Variants in PCDHA3 observed in about 807,000 individuals in gnomAD.
PCDHA3 encodes the protein protocadherin alpha 3.
PCDHA3 carries 41 observed loss-of-function variants against 62.2 expected under a neutral mutation model. The observed-to-expected ratio is 0.66, with a 90% confidence interval of 0.51 to 0.86. The LOEUF is 0.86. Ranked by LOEUF, PCDHA3 falls within the 40% of genes least tolerant of loss-of-function variation. The pLI is 0.00. For synonymous variants in PCDHA3, 640 were observed against 555.4 expected (o/e 1.15, Z -2.14); for missense variants, 1,304 against 1,241.2 (o/e 1.05, Z -0.76).
chr5:140,930,231 A>G (rs1234850185), intron 1 of PCDHA3: 3 of 152,238 alleles, frequency 2.0e-5, no homozygotes, highest in Non-Finnish European at 4.4e-5. Context: ...TGCACTTACC[A>G]TCCAAAGTCC....
intron 1 of PCDHA3, chr5:140,875,950 G>A: frequency 6.2e-7 from 1 of 1,614,166 alleles, no homozygotes; most frequent in South Asian, 1.1e-5. Flanking sequence ...CGCTTCTGAT[G>A]CGGATATCGG....
chr5:140,836,593 C>T, intron 1 of PCDHA3: 1 of 1,613,672 alleles, frequency 6.2e-7, no homozygotes, highest in Non-Finnish European at 8.5e-7. Context: ...TTGGTAAAGC[C>T]CACTCTGGTG....
At chr5:140,851,219 C>A (rs2041993259) in intron 1 of PCDHA3, 5 of 1,147,562 alleles carry the variant, frequency 4.4e-6, no homozygotes, top group Non-Finnish European at 4.5e-6. Context: ...ACATTAACAT[C>A]ACTATCATTT....
At chr5:140,878,806 G>A (rs1413152690) in intron 1 of PCDHA3, among the ~76,000 whole-genome samples, 1 of 152,144 alleles carries the variant, frequency 6.6e-6, no homozygotes, top group African/African-American at 2.4e-5. Context: ...AAAAACATAT[G>A]GGGGTCTTGC....
At chr5:140,952,185 T>C (rs1354216964) in intron 1 of PCDHA3, among the ~76,000 whole-genome samples, 1 of 152,010 alleles carries the variant, frequency 6.6e-6, no homozygotes, top group Non-Finnish European at 1.5e-5. Context: ...GCTGCTCTCA[T>C]GGGTTGGTGT....
intron 3 of PCDHA3, among the ~76,000 whole-genome samples, chr5:140,996,588 G>A (rs1031631617): frequency 3.2e-4 from 49 of 152,082 alleles, no homozygotes; most frequent in Admixed American, 2.0e-3. Flanking sequence ...AACAAGGGCC[G>A]CCTCCCCCCA....
chr5:140,982,153 C>T (rs990862287), intron 2 of PCDHA3, among the ~76,000 whole-genome samples: 1 of 152,162 alleles, frequency 6.6e-6, no homozygotes, highest in Non-Finnish European at 1.5e-5. Flanking sequence ...GCTTCAGTAT[C>T]GAGATGTTAA....
intron 1 of PCDHA3, among the ~76,000 whole-genome samples, chr5:140,832,941 C>T (rs1455354845): frequency 6.6e-6 from 1 of 152,044 alleles, no homozygotes; most frequent in Non-Finnish European, 1.5e-5. Flanking sequence ...AAGAGAGTAA[C>T]TTAAGTGAGT....
At chr5:140,947,811 A>G (rs1554218329) in intron 1 of PCDHA3, among the ~76,000 whole-genome samples, 1 of 151,582 alleles carries the variant, frequency 6.6e-6, no homozygotes, top group Admixed American at 6.6e-5. Flanking sequence ...TGCAGAGACT[A>G]TTTCTTCCTT....
chr5:140,837,523 T>G (rs1775100881), intron 1 of PCDHA3, among the ~76,000 whole-genome samples: 1 of 151,982 alleles, frequency 6.6e-6, no homozygotes. Flanking sequence ...TTACTTTTTT[T>G]GTATATTCCC....
At chr5:140,815,650 A>G (rs1765775116) in intron 1 of PCDHA3, 1 of 152,012 alleles carries the variant, frequency 6.6e-6, no homozygotes, top group African/African-American at 2.4e-5. Flanking sequence ...GTTTTTATCT[A>G]TATATTTATC....
rs2150385569 is a variant in PCDHA3 at position 140,846,184 on chromosome 5, G to T, written c.2394+42593G>T. 1.3e-5 allele frequency among the ~76,000 whole-genome samples: 2 copies of T among 149,364 alleles called. 1 individual carries two copies. Among genetic ancestry groups the T allele is most frequent in the Non-Finnish European group, 3.0e-5 (2 of 66,864 alleles). ...CCTGCAGAGGCCTGAGTAGGCGTTT[G>T]AGTTCTTTGTATGTATGAGATCTTT... On this transcript the variant is annotated intron_variant, in intron 1 of 3. Coordinates refer to ENST00000522353, the MANE Select transcript of PCDHA3 (RefSeq NM_018906.3).
At chr5:140,888,752 C>A (rs782384703) in intron 1 of PCDHA3, among the ~76,000 whole-genome samples, 44 of 151,842 alleles carry the variant, frequency 2.9e-4, no homozygotes, top group Non-Finnish European at 5.7e-4. Context: ...TTATTCTACC[C>A]ACTTTTTTTT....
chr5:140,844,007 T>C (rs1779179285), intron 1 of PCDHA3, among the ~76,000 whole-genome samples: 1 of 149,710 alleles, frequency 6.7e-6, no homozygotes, highest in African/African-American at 2.4e-5. Flanking sequence ...AACAATACTC[T>C]AAGGACGTTC....
At chr5:140,954,650 C>G (rs2095069221) in intron 1 of PCDHA3, among the ~76,000 whole-genome samples, 1 of 151,902 alleles carries the variant, frequency 6.6e-6, no homozygotes, top group Non-Finnish European at 1.5e-5. Context: ...TGTTTAAGTT[C>G]CTTGTAGACT....
chr5:140,917,741 C>G (rs2078335946), intron 1 of PCDHA3, among the ~76,000 whole-genome samples: 1 of 152,048 alleles, frequency 6.6e-6, no homozygotes, highest in Non-Finnish European at 1.5e-5. Flanking sequence ...CTAACCTGTC[C>G]CATTGGTCTA....
intron 3 of PCDHA3, among the ~76,000 whole-genome samples, chr5:140,983,425 C>A (rs1252010683): frequency 6.6e-6 from 1 of 152,198 alleles, no homozygotes; most frequent in Non-Finnish European, 1.5e-5. Context: ...GTAGAGACCA[C>A]AAATTGTGTC....
intron 1 of PCDHA3, chr5:140,869,076 C>G (rs367613564): frequency 6.3e-7 from 1 of 1,577,934 alleles, no homozygotes; most frequent in South Asian, 1.2e-5. Flanking sequence ...TGTAAAGAAG[C>G]TTATTTTGGA....
intron 1 of PCDHA3, among the ~76,000 whole-genome samples, chr5:140,914,601 T>G (rs190275610): frequency 1.8e-4 from 27 of 152,294 alleles, no homozygotes; most frequent in Non-Finnish European, 3.7e-4. Context: ...AGGAACTTCC[T>G]CCTGCCATTT....
Sources: allele counts gnomAD v4.1 joint callset (sites outside exome capture counted in the v4.1 genomes callset), GRCh38; gene constraint gnomAD v4.1.1; transcripts MANE v1.5; gene names NCBI Gene and HGNC (gene_info 2026-07-23, HGNC 2026-07-21).